The following ENSA variants were observed in gnomAD, a reference collection of about 807,000 sequenced individuals.
The protein encoded by ENSA is endosulfine alpha.
Under a neutral mutation model 16.8 loss-of-function variants are expected in ENSA, and 7 were observed. The observed-to-expected ratio is 0.42, with a 90% CI of 0.24 to 0.78. The LOEUF (loss-of-function observed/expected upper bound fraction) is 0.78. Ranked by LOEUF, ENSA falls within the 30% of genes least tolerant of loss-of-function variation. The probability of loss-of-function intolerance (pLI) is 0.29; values close to 1 mark genes in which losing one functional copy is unlikely to be tolerated. For missense variants in ENSA, 87 were observed against 142.3 expected (o/e 0.61, Z 1.98); for synonymous variants, 58 against 53.4 (o/e 1.09, Z -0.37).
intron 1 of ENSA, chr1:150,629,116 T>G (rs756396397): frequency 3.1e-6 from 5 of 1,614,076 alleles, no homozygotes; most frequent in Non-Finnish European, 4.2e-6. Flanking sequence ...CCCCTTTCCA[T>G]TCACCGTCTT....
chr1:150,623,603 C>A (rs1649103138), intron 3 of ENSA: 18 of 984,260 alleles, frequency 1.8e-5, no homozygotes, highest in Non-Finnish European at 1.9e-5. Context: ...TTGAGAAGAT[C>A]GGAGATGAAG....
rs1171004166 is a variant in ENSA at position 150,625,593 on chromosome 1, A to G, written c.350+49T>C. ...CCCATTTCATCCCTGCCTATAATAT[A>G]TAAACGTCCAGTGGTTGAGGAAGGG... On this transcript the variant is annotated intron_variant, in intron 3 of 3. Transcript: ENST00000369014. 8 of 1,527,860 alleles carry G rather than the reference A, an allele frequency of 5.2e-6. No individual in the cohort carries two copies. The African/African-American group carries it at 8.4e-5, about 16-fold the overall frequency. 94.6% of individuals were successfully genotyped at this position (1,527,860 alleles called of 1,614,324 possible).
At chr1:150,623,542 G>C (rs1383454290) in intron 3 of ENSA, 3 of 985,522 alleles carry the variant, frequency 3.0e-6, no homozygotes. Flanking sequence ...GAGGACTCAA[G>C]CTGAATGATA....
At position 150,629,482 on chromosome 1, in the gene ENSA, G is replaced by T. The variant is rs1309066892; in HGVS notation, c.-12C>A. ...TGTTTCTGGGACATGGCGGGACCGG[G>T]ACTGTGGAGTGTAAGGGGCCCGGGA... On this transcript the variant is annotated 5_prime_UTR_variant, in exon 1 of 4. Coordinates refer to ENST00000369014, the MANE Select transcript of ENSA (RefSeq NM_004436.4). The T allele has an allele frequency of 5.0e-6, 8 of 1,613,082 alleles. No homozygotes were observed. The highest frequency in any genetic ancestry group is 1.3e-5 in the African/African-American group (1 of 74,870).
rs995035944 is a variant in ENSA at position 150,623,907 on chromosome 1, G to A, written c.351-1048C>T. On this transcript the variant is annotated intron_variant, in intron 3 of 3. Coordinates refer to ENST00000369014, the MANE Select transcript of ENSA (RefSeq NM_004436.4). Reference sequence around the variant, plus strand: ...TTGAATGACAGCCTGAACACTGAATGGCCAGTCAGGAGAAAGGCATATACA... The same window carrying A: ...TTGAATGACAGCCTGAACACTGAATAGCCAGTCAGGAGAAAGGCATATACA... 4.1e-6 allele frequency: 4 copies of A among 985,300 alleles called. No individual in the cohort carries two copies. In the African/African-American group the frequency reaches 5.2e-5, roughly 13 times the overall value. 61.0% of individuals were successfully genotyped at this position (985,300 alleles called of 1,614,324 possible).
At chr1:150,625,987 C>A (rs1649280702) in intron 2 of ENSA, among the ~76,000 whole-genome samples, 179 bp from the exon 3 acceptor site, 1 of 152,182 alleles carries the variant, frequency 6.6e-6, no homozygotes, top group Admixed American at 6.5e-5. Context: ...TATGTCTTCT[C>A]CCCAGTGTGT....
chr1:150,621,628 C>G (rs1649004041), downstream of ENSA: 1 of 152,176 alleles, frequency 6.6e-6, no homozygotes, highest in Non-Finnish European at 1.5e-5. Context: ...TCACAGGCAG[C>G]TTTTAACTTC....
intron 3 of ENSA, 126 bp downstream of exon 3, chr1:150,625,516 A>G (rs1209825612): frequency 4.2e-6 from 6 of 1,423,404 alleles, no homozygotes; most frequent in East Asian, 5.2e-5. Context: ...AGCAGCCCCC[A>G]GCAGAATCAC....
intron 2 of ENSA, 120 bp downstream of exon 2, chr1:150,627,347 G>C: frequency 1.2e-6 from 2 of 1,603,366 alleles, no homozygotes; most frequent in East Asian, 4.5e-5. Flanking sequence ...TTTCAAATTC[G>C]CCTCTACTTC....
intron 2 of ENSA, chr1:150,626,469 T>A: frequency 6.2e-7 from 1 of 1,610,854 alleles, no homozygotes; most frequent in Non-Finnish European, 8.5e-7. Flanking sequence ...CACAGGGATG[T>A]TTCACCCACC....
chr1:150,627,623 A>G (rs775530234), intron 1 of ENSA, 31 bp from the exon 2 acceptor site: 1 of 1,583,808 alleles, frequency 6.3e-7, no homozygotes, highest in Non-Finnish European at 8.6e-7. Context: ...AAATAAAATT[A>G]AAGACTGAGA....
intron 2 of ENSA, chr1:150,627,079 G>C: frequency 1.5e-6 from 2 of 1,335,116 alleles, no homozygotes; most frequent in Non-Finnish European, 1.9e-6. Flanking sequence ...TTCTGTAGGA[G>C]AGATGGTTTG....
intron 3 of ENSA, chr1:150,624,884 G>T (rs1243638882): frequency 3.1e-6 from 3 of 969,360 alleles, no homozygotes; most frequent in Non-Finnish European, 3.7e-6. Flanking sequence ...ACTTAATCAA[G>T]GTTATACAAC....
At chr1:150,625,965 A>G (rs954532527) in intron 2 of ENSA, among the ~76,000 whole-genome samples, 157 bp from the exon 3 acceptor site, 8 of 152,176 alleles carry the variant, frequency 5.3e-5, no homozygotes, top group African/African-American at 1.9e-4. Flanking sequence ...TTTAACATTA[A>G]TTACATGTAC....
chr1:150,622,878 GAAAA>G lies in ENSA; in HGVS notation c.351-23_351-20del, dbSNP rs76738351. 5 of 1,242,168 alleles carry G rather than the reference GAAAA, an allele frequency of 4.0e-6. No homozygotes were observed. The African/African-American group carries it at 7.7e-5, about 19-fold the overall frequency. 76.9% of individuals were successfully genotyped at this position (1,242,168 alleles called of 1,614,324 possible). ...TTGGCCACTGCGGACGAACACAGAA[GAAAA>G]AAAAAAAAAACAACACTGTCAAGTA... is the stretch of plus-strand genomic sequence containing the variant. On this transcript the variant is annotated intron_variant, in intron 3 of 3. Coordinates refer to ENST00000369014, the MANE Select transcript of ENSA (RefSeq NM_004436.4).
At chr1:150,627,704 A>C in intron 1 of ENSA, 112 bp from the exon 2 acceptor site, 1 of 1,166,050 alleles carries the variant, frequency 8.6e-7, no homozygotes, top group East Asian at 2.5e-5. Flanking sequence ...ACTTGTAAAT[A>C]CGCTATCTCT....
intron 2 of ENSA, chr1:150,626,394 G>C: frequency 2.9e-6 from 4 of 1,393,136 alleles, no homozygotes; most frequent in Admixed American, 1.7e-5. Context: ...CTTGCCTCCA[G>C]CAAGGTAAAT....
intron 2 of ENSA, chr1:150,626,560 A>C (rs1450404633): frequency 6.2e-7 from 1 of 1,601,520 alleles, no homozygotes; most frequent in Admixed American, 1.7e-5. Flanking sequence ...AAGGAAAATA[A>C]AAAAATTTTT....
intron 2 of ENSA, chr1:150,627,093 T>C: frequency 7.3e-7 from 1 of 1,371,740 alleles, no homozygotes. Context: ...TGGTTTGATC[T>C]TCTTCTGAAA....
Sources: gnomAD v4.1 joint callset for allele counts (sites outside exome capture counted in the v4.1 genomes callset) on GRCh38, gnomAD v4.1.1 for gene constraint, MANE v1.5 for transcripts, NCBI Gene and HGNC (gene_info 2026-07-23, HGNC 2026-07-21) for gene names.